ANO3: variants seen among roughly 807,000 people sequenced by gnomAD.
ANO3 encodes the protein anoctamin 3.
Under a neutral mutation model 144.8 loss-of-function variants are expected in ANO3, and 99 were observed. That is an observed-to-expected ratio of 0.68 (90% CI 0.58 to 0.81). ANO3 has a LOEUF of 0.81. Among genes scored for constraint, ANO3 ranks in the 30% least tolerant of loss-of-function variants. ANO3 has a pLI of 0.00. For synonymous variants in ANO3, 414 were observed against 392.6 expected (o/e 1.05, Z -0.64); for missense variants, 905 against 1,202.2 (o/e 0.75, Z 3.66).
chr11:26,518,118 C>A (rs920464227), intron 6 of ANO3, among the ~76,000 whole-genome samples: 1 of 151,892 alleles, frequency 6.6e-6, no homozygotes, highest in African/African-American at 2.4e-5. Context: ...ATATTCTTTC[C>A]AATTCCTCAG....
chr11:26,276,943 C>T (rs1309286443), intron 1 of ANO3, among the ~76,000 whole-genome samples: 1 of 152,098 alleles, frequency 6.6e-6, no homozygotes, highest in African/African-American at 2.4e-5. Context: ...CCTCTGAGGT[C>T]ACCTTAGTTG....
At chr11:26,251,562 T>A (rs1319520265) in intron 1 of ANO3, among the ~76,000 whole-genome samples, 1 of 152,172 alleles carries the variant, frequency 6.6e-6, no homozygotes, top group Non-Finnish European at 1.5e-5. Flanking sequence ...ACATTTAAAG[T>A]AAAAGGCAGC....
At chr11:26,548,777 G>T (rs942438625) in intron 12 of ANO3, among the ~76,000 whole-genome samples, 5 of 151,808 alleles carry the variant, frequency 3.3e-5, no homozygotes, top group Non-Finnish European at 7.4e-5. Flanking sequence ...CTAGTCTTGG[G>T]TTTATTTCAG....
intron 1 of ANO3, among the ~76,000 whole-genome samples, chr11:26,296,390 G>A (rs928157040): frequency 6.6e-6 from 1 of 152,086 alleles, no homozygotes; most frequent in Non-Finnish European, 1.5e-5. Context: ...TCCATGCTTT[G>A]GGGGATTATG....
chr11:26,334,288 G>T (rs184741945), intron 1 of ANO3, among the ~76,000 whole-genome samples: 1 of 152,316 alleles, frequency 6.6e-6, no homozygotes, highest in East Asian at 1.9e-4. Flanking sequence ...AAGTGGTTCT[G>T]GTTAATGGCT....
chr11:26,608,333 C>T (rs190151343), intron 17 of ANO3, among the ~76,000 whole-genome samples: 13 of 152,276 alleles, frequency 8.5e-5, no homozygotes, highest in Admixed American at 2.6e-4. Context: ...AGATCTCTGA[C>T]CTCCAGGAGC....
intron 1 of ANO3, among the ~76,000 whole-genome samples, chr11:26,362,101 G>T (rs1005589252): frequency 6.6e-6 from 1 of 152,042 alleles, no homozygotes; most frequent in African/African-American, 2.4e-5. Context: ...TGATGCCTAC[G>T]CCATAAATTC....
chr11:26,286,711 C>T (rs1248926390), intron 1 of ANO3, among the ~76,000 whole-genome samples: 1 of 152,082 alleles, frequency 6.6e-6, no homozygotes. Context: ...ATTGGCAATG[C>T]GGGTGGGCTT....
At chr11:26,547,926 A>G (rs1427532392) in intron 12 of ANO3, among the ~76,000 whole-genome samples, 2 of 151,960 alleles carry the variant, frequency 1.3e-5, no homozygotes, top group African/African-American at 4.8e-5. Flanking sequence ...TTTATAATTT[A>G]CAAAGTCCTT....
intron 1 of ANO3, among the ~76,000 whole-genome samples, chr11:26,276,728 A>C (rs558464170): frequency 5.3e-5 from 8 of 152,224 alleles, no homozygotes; most frequent in African/African-American, 1.7e-4. Flanking sequence ...TTCACATAAA[A>C]ATAAAATTGG....
chr11:26,365,973 TATATATATATATATA>T (rs1856062800), intron 1 of ANO3, among the ~76,000 whole-genome samples: 1 of 53,422 alleles, frequency 1.9e-5, no homozygotes, highest in African/African-American at 5.1e-5. Flanking sequence ...TATATATATA[TATATATATATATATA>T]TATATATATA....
At chr11:26,347,429 A>G (rs1028723039) in intron 1 of ANO3, among the ~76,000 whole-genome samples, 2 of 152,244 alleles carry the variant, frequency 1.3e-5, no homozygotes, top group Non-Finnish European at 2.9e-5. Flanking sequence ...AGGGAAGGTG[A>G]CTATCTGTGT....
At chr11:26,653,763 G>A (rs531319297) in intron 24 of ANO3, among the ~76,000 whole-genome samples, 3 of 151,508 alleles carry the variant, frequency 2.0e-5, no homozygotes, top group Admixed American at 6.6e-5. Context: ...ATCTTTCCTC[G>A]TGTTATCTTC....
At chr11:26,263,541 C>G (rs1252391939) in intron 1 of ANO3, among the ~76,000 whole-genome samples, 1 of 152,184 alleles carries the variant, frequency 6.6e-6, no homozygotes, top group Non-Finnish European at 1.5e-5. Context: ...TCCTGCCTAG[C>G]CTCTCTGCTT....
chr11:26,317,503 A>G (rs60811682), intron 1 of ANO3, among the ~76,000 whole-genome samples: 8,867 of 152,260 alleles, frequency 0.058, 472 homozygotes, highest in African/African-American at 0.14. Flanking sequence ...AACAAACATG[A>G]AAAAAGCTCA....
intron 1 of ANO3, among the ~76,000 whole-genome samples, chr11:26,435,017 T>TGTTAAAGA: frequency 6.6e-6 from 1 of 152,288 alleles, no homozygotes; most frequent in Middle Eastern, 3.4e-3. Flanking sequence ...GTCAGGGTAG[T>TGTTAAAGA]GTTAAAGACT....
chr11:26,456,738 G>A (rs1317603325), intron 3 of ANO3, among the ~76,000 whole-genome samples: 2 of 125,030 alleles, frequency 1.6e-5, no homozygotes, highest in Admixed American at 8.2e-5. Flanking sequence ...TATACCCAAA[G>A]GACTATAAAT....
At chr11:26,291,760 G>A (rs1164868136) in intron 1 of ANO3, among the ~76,000 whole-genome samples, 1 of 152,182 alleles carries the variant, frequency 6.6e-6, no homozygotes. Flanking sequence ...GGCTTGTAGA[G>A]TTTCTGCTGA....
intron 17 of ANO3, among the ~76,000 whole-genome samples, chr11:26,607,587 T>A (rs1300806760): frequency 6.6e-6 from 1 of 152,222 alleles, no homozygotes; most frequent in Admixed American, 6.5e-5. Context: ...TCTGACATCC[T>A]TTCTAATATT....
Sources: allele counts gnomAD v4.1 joint callset (sites outside exome capture counted in the v4.1 genomes callset), GRCh38; gene constraint gnomAD v4.1.1; transcripts MANE v1.5; gene names NCBI Gene and HGNC (gene_info 2026-07-23, HGNC 2026-07-21).